TSHZ2: variants seen among roughly 807,000 people sequenced by gnomAD.
The protein encoded by TSHZ2 is teashirt homolog 2.
TSHZ2 carries 21 observed loss-of-function variants against 74.4 expected under a neutral mutation model. The observed-to-expected ratio is 0.28, with a 90% CI of 0.20 to 0.41. The LOEUF (loss-of-function observed/expected upper bound fraction) is 0.41, where lower values mean the gene tolerates loss of function less well. TSHZ2 is among the 10% of genes least tolerant of loss of function. The pLI is 1.00. For synonymous variants in TSHZ2, 540 were observed against 515.3 expected (o/e 1.05, Z -0.65); for missense variants, 1,244 against 1,293.5 (o/e 0.96, Z 0.59).
At chr20:53,441,519 C>A (rs1797288304) in intron 2 of TSHZ2, among the ~76,000 whole-genome samples, 1 of 152,018 alleles carries the variant, frequency 6.6e-6, no homozygotes, top group African/African-American at 2.4e-5. Flanking sequence ...ATCTCCTGAC[C>A]TCATGATCCG....
chr20:53,260,154 A>G (rs920586560), intron 2 of TSHZ2, among the ~76,000 whole-genome samples: 2 of 151,734 alleles, frequency 1.3e-5, no homozygotes, highest in East Asian at 1.9e-4. Context: ...ACCGGACTCT[A>G]TTATATTTAA....
rs1350973476 is a variant in TSHZ2 at position 52,972,868 on chromosome 20, G to T, written c.-426G>T. The T allele has an allele frequency of 4.4e-6, 1 of 225,456 alleles. No homozygotes were observed. Among genetic ancestry groups the T allele is most frequent in the East Asian group, 8.9e-5 (1 of 11,250 alleles). The allele number at this position is 225,456 out of a possible 1,614,324, so 14.0% of individuals were successfully genotyped here. A position where few individuals can be genotyped will look rare whatever the true frequency, so the allele number is the denominator to read the frequency against. On this transcript the variant is annotated 5_prime_UTR_variant, in exon 1 of 3. Coordinates refer to ENST00000371497, the MANE Select transcript of TSHZ2 (RefSeq NM_173485.6). ...CTTTACGCGCGAGTGTGCCTGTGGC[G>T]CGTGTGCGCCCCTCGTCCCTTCCAT...
At chr20:53,482,270 C>T (rs1358547954) in intron 2 of TSHZ2, among the ~76,000 whole-genome samples, 5 of 152,212 alleles carry the variant, frequency 3.3e-5, no homozygotes, top group African/African-American at 1.2e-4. Flanking sequence ...TGACCACAGG[C>T]CCAACATCTT....
intron 2 of TSHZ2, among the ~76,000 whole-genome samples, chr20:53,465,920 A>G (rs1353964234): frequency 1.3e-5 from 2 of 150,962 alleles, no homozygotes; most frequent in Admixed American, 1.3e-4. Context: ...TGTAGACACA[A>G]CCACAAACAT....
intron 1 of TSHZ2, among the ~76,000 whole-genome samples, chr20:53,117,255 C>G (rs1568767572): frequency 1.3e-5 from 2 of 152,166 alleles, no homozygotes; most frequent in African/African-American, 4.8e-5. Flanking sequence ...TATAGAGGTT[C>G]CTGGCCAATA....
chr20:53,446,780 G>T (rs1984568140), intron 2 of TSHZ2, among the ~76,000 whole-genome samples: 2 of 152,064 alleles, frequency 1.3e-5, no homozygotes, highest in Admixed American at 6.5e-5. Flanking sequence ...GGTATCCAGG[G>T]ACTGACTCTC....
chr20:53,355,848 G>A (rs1980825743), intron 2 of TSHZ2, among the ~76,000 whole-genome samples: 1 of 152,352 alleles, frequency 6.6e-6, no homozygotes, highest in East Asian at 1.9e-4. Context: ...GGTGACATTT[G>A]AACTGACATA....
At chr20:53,247,289 A>G (rs936386107) in intron 1 of TSHZ2, among the ~76,000 whole-genome samples, 10 of 152,148 alleles carry the variant, frequency 6.6e-5, no homozygotes, top group African/African-American at 2.4e-4. Context: ...CAGCAAACAC[A>G]CTGGGCCCTG....
intron 2 of TSHZ2, among the ~76,000 whole-genome samples, chr20:53,444,568 C>T (rs148838865): frequency 5.7e-4 from 87 of 152,278 alleles, no homozygotes; most frequent in African/African-American, 2.0e-3. Context: ...ATCACGAGAG[C>T]CCTGTCAGCA....
intron 1 of TSHZ2, among the ~76,000 whole-genome samples, chr20:53,176,980 C>T (rs1763081671): frequency 6.6e-6 from 1 of 152,162 alleles, no homozygotes; most frequent in Non-Finnish European, 1.5e-5. Context: ...CCATCGCACC[C>T]AGCCAGAAGT....
At chr20:53,407,113 C>A (rs773866328) in intron 2 of TSHZ2, among the ~76,000 whole-genome samples, 1 of 152,218 alleles carries the variant, frequency 6.6e-6, no homozygotes, top group African/African-American at 2.4e-5. Context: ...CCACATTTCT[C>A]TAGAAAAATC....
intron 1 of TSHZ2, among the ~76,000 whole-genome samples, chr20:53,082,650 G>A (rs910382): frequency 0.44 from 66,260 of 152,084 alleles, 15,064 homozygotes; most frequent in Admixed American, 0.54. Flanking sequence ...TTCCCTCACC[G>A]ATGCCCTTTC....
intron 1 of TSHZ2, chr20:53,179,470 G>C (rs752813817): frequency 7.9e-5 from 12 of 152,188 alleles, no homozygotes; most frequent in Non-Finnish European, 1.8e-4. Flanking sequence ...GGATGCCAAA[G>C]GATCCAGAGA....
chr20:53,158,692 G>A (rs1004747504), intron 1 of TSHZ2, among the ~76,000 whole-genome samples: 2 of 152,222 alleles, frequency 1.3e-5, no homozygotes, highest in African/African-American at 4.8e-5. Flanking sequence ...GCCCTGGAAC[G>A]CTCCAGCTGT....
chr20:53,036,689 A>AATATG (rs1983831794), intron 1 of TSHZ2, among the ~76,000 whole-genome samples: 1 of 147,956 alleles, frequency 6.8e-6, no homozygotes, highest in Non-Finnish European at 1.5e-5. Flanking sequence ...TAATATGTGT[A>AATATG]TGTATTACTA....
intron 1 of TSHZ2, among the ~76,000 whole-genome samples, chr20:53,022,808 T>C (rs968289462): frequency 6.6e-6 from 1 of 152,182 alleles, no homozygotes; most frequent in Non-Finnish European, 1.5e-5. Flanking sequence ...AAAATAGGAG[T>C]TCCTTTGTGT....
Position 52,986,658 on chromosome 20 carries a change from G to T in TSHZ2, c.40+13325G>T, listed in dbSNP as rs537212047. On this transcript the variant is annotated intron_variant, in intron 1 of 2. Transcript: ENST00000371497. ...CCAGGAGAATCGCTTGAACCCAGGA[G>T]GCGGAGATTGAAGTGAGCCGAGATC... is the stretch of plus-strand genomic sequence containing the variant. 2.6e-5 allele frequency among the ~76,000 whole-genome samples: 4 copies of T among 151,598 alleles called. No individual in the cohort carries two copies. In the East Asian group the frequency reaches 5.8e-4, roughly 22 times the overall value.
chr20:53,233,486 T>A (rs763546937), intron 1 of TSHZ2, among the ~76,000 whole-genome samples: 8 of 152,114 alleles, frequency 5.3e-5, no homozygotes, highest in Non-Finnish European at 7.4e-5. Context: ...AGAAAAAGAA[T>A]TAAAAGAAAG....
intron 2 of TSHZ2, among the ~76,000 whole-genome samples, chr20:53,264,522 A>G (rs1255116933): frequency 6.6e-6 from 1 of 152,238 alleles, no homozygotes; most frequent in East Asian, 1.9e-4. Context: ...TGTATTTGCT[A>G]CAAAGAGTGG....
Sources: gnomAD v4.1 joint callset for allele counts (sites outside exome capture counted in the v4.1 genomes callset) on GRCh38, gnomAD v4.1.1 for gene constraint, MANE v1.5 for transcripts, NCBI Gene and HGNC (gene_info 2026-07-23, HGNC 2026-07-21) for gene names.